The following TESC variants were observed in gnomAD, a reference collection of about 807,000 sequenced individuals.
TESC encodes the protein tescalcin, also known as calcineurin B homologous protein 3.
In TESC, 19 loss-of-function variants were observed where a neutral mutation model predicts 31.0. The ratio of observed to expected loss-of-function variants is 0.61; its 90% CI spans 0.43 to 0.90. TESC has a LOEUF of 0.90. TESC is among the 40% of genes least tolerant of loss of function. The pLI, the probability that TESC is intolerant of heterozygous loss-of-function variation, is 0.00. For synonymous variants in TESC, 109 were observed against 114.8 expected, an observed-to-expected ratio of 0.95 and a Z score of 0.32; for missense variants, 248 against 303.8, an observed-to-expected ratio of 0.82 and a Z score of 1.36.
At chr12:117,075,883 A>ATGTG (rs1565971476) in intron 1 of TESC, among the ~76,000 whole-genome samples, 9 of 25,888 alleles carry the variant, frequency 3.5e-4, no homozygotes, top group South Asian at 1.9e-3. Context: ...GTGTATATAT[A>ATGTG]TATATATATA....
intron 1 of TESC, among the ~76,000 whole-genome samples, chr12:117,082,475 C>CG (rs1168638528): frequency 1.3e-4 from 20 of 149,828 alleles, no homozygotes; most frequent in Non-Finnish European, 2.5e-4. Context: ...ACACTCCAGC[C>CG]GGGGGGACAA....
chr12:117,062,448 G>A (rs1022120431), intron 2 of TESC, among the ~76,000 whole-genome samples: 6 of 151,970 alleles, frequency 3.9e-5, no homozygotes, highest in African/African-American at 9.7e-5. Context: ...TCTCGAACTC[G>A]TGACCTCAGG....
chr12:117,043,094 T>A (rs1449518568), intron 6 of TESC, among the ~76,000 whole-genome samples: 1 of 151,624 alleles, frequency 6.6e-6, no homozygotes, highest in Non-Finnish European at 1.5e-5. Flanking sequence ...TGTCTGCAGG[T>A]CTGTGCACGC....
At chr12:117,046,919 C>A in intron 4 of TESC, 81 bp from the exon 5 acceptor site, 1 of 1,424,064 alleles carries the variant, frequency 7.0e-7, no homozygotes, top group East Asian at 2.5e-5. Context: ...CTAAACTAAG[C>A]AAAAGACACC....
chr12:117,056,991 G>A (rs1482740749), intron 2 of TESC, 105 bp from the exon 3 acceptor site: 4 of 1,051,676 alleles, frequency 3.8e-6, no homozygotes, highest in African/African-American at 1.6e-5. Flanking sequence ...TCCCTAACAG[G>A]CCCCCACAAG....
chr12:117,056,759 A>C (rs1490957727), intron 3 of TESC, 47 bp downstream of exon 3: 1 of 1,586,560 alleles, frequency 6.3e-7, no homozygotes, highest in Non-Finnish European at 8.7e-7. Flanking sequence ...GATGTTACAC[A>C]AGACAAGGGT....
intron 1 of TESC, among the ~76,000 whole-genome samples, chr12:117,084,549 T>A (rs1370107819): frequency 6.6e-6 from 1 of 152,198 alleles, no homozygotes; most frequent in African/African-American, 2.4e-5. Context: ...GCCTCCCCCA[T>A]CAGGCTGTGG....
chr12:117,039,966 G>A (rs1416435376), intron 7 of TESC, among the ~76,000 whole-genome samples: 1 of 152,250 alleles, frequency 6.6e-6, no homozygotes, highest in Non-Finnish European at 1.5e-5. Context: ...GGCCACAGAT[G>A]GTAGGATGGG....
rs537077034 is a variant in TESC, at chr12:117,091,474, A to C, written c.58+7751T>G. On this transcript the variant is annotated intron_variant, in intron 1 of 7. Transcript: ENST00000335209. ...ACATTCTGGAGACCATTAACTCACA[A>C]AAAAATATCCTGCCAGGATGGCAGT... Among the ~76,000 whole-genome samples the C allele has an allele frequency of 7.2e-5, 11 of 152,366 alleles. No homozygotes were observed. In the South Asian group the frequency reaches 2.3e-3, roughly 32 times the overall value.
chr12:117,045,427 A>C (rs572029218), intron 6 of TESC, among the ~76,000 whole-genome samples: 1 of 152,400 alleles, frequency 6.6e-6, no homozygotes, highest in South Asian at 2.1e-4. Flanking sequence ...GGAGAGTGTA[A>C]TTAAATCAAA....
chr12:117,042,121 G>A (rs1260986891), intron 6 of TESC, 127 bp from the exon 7 acceptor site: 3 of 935,232 alleles, frequency 3.2e-6, no homozygotes, highest in African/African-American at 3.3e-5. Flanking sequence ...CTGTTTGGGA[G>A]GAATCACAAG....
At chr12:117,040,937 C>T (rs944268970) in intron 7 of TESC, among the ~76,000 whole-genome samples, 1 of 146,054 alleles carries the variant, frequency 6.8e-6, no homozygotes, top group African/African-American at 2.6e-5. Context: ...CTCTCTTGGT[C>T]TCTTGCTCCC....
At chr12:117,081,200 A>C (rs1183421691) in intron 1 of TESC, among the ~76,000 whole-genome samples, 1 of 152,222 alleles carries the variant, frequency 6.6e-6, no homozygotes, top group Non-Finnish European at 1.5e-5. Context: ...TGGTAAGCCC[A>C]GACTGAGATG....
chr12:117,087,044 G>A (rs1955227566), intron 1 of TESC, among the ~76,000 whole-genome samples: 1 of 152,198 alleles, frequency 6.6e-6, no homozygotes, highest in Non-Finnish European at 1.5e-5. Context: ...CCACTCCACA[G>A]GGGACTACCC....
At chr12:117,090,196 T>C (rs1447569338) in intron 1 of TESC, among the ~76,000 whole-genome samples, 2 of 152,156 alleles carry the variant, frequency 1.3e-5, no homozygotes, top group African/African-American at 4.8e-5. Flanking sequence ...GAAAACTATA[T>C]CCATAAGGAA....
At chr12:117,075,594 T>C (rs1479505396) in intron 1 of TESC, among the ~76,000 whole-genome samples, 1 of 151,828 alleles carries the variant, frequency 6.6e-6, no homozygotes, top group East Asian at 1.9e-4. Flanking sequence ...TAATAGCTCC[T>C]GAGACAGGGC....
At chr12:117,078,788 CTG>C (rs1407061473) in intron 1 of TESC, among the ~76,000 whole-genome samples, 1 of 152,128 alleles carries the variant, frequency 6.6e-6, no homozygotes, top group East Asian at 1.9e-4. Context: ...GGATTAAAGA[CTG>C]TTTTGCTTTT....
At chr12:117,056,217 CT>C (rs1213562341) in intron 3 of TESC, among the ~76,000 whole-genome samples, 2 of 152,044 alleles carry the variant, frequency 1.3e-5, no homozygotes, top group African/African-American at 2.4e-5. Context: ...CCACTGTGCC[CT>C]GCTAATTCTT....
In TESC at chr12:117,041,999, G is replaced by A. The variant is rs754619776; in HGVS notation, c.520-5C>T. On this transcript the variant is annotated splice_region_variant and splice_polypyrimidine_tract_variant and intron_variant, in intron 6 of 7. Transcript: ENST00000335209. ...CTCGTACACCTGATCAGGCTCCTGGGGACGGAAGCACAGGGTGGACAGTGA... is the reference window on the plus strand; with the variant it reads ...CTCGTACACCTGATCAGGCTCCTGGAGACGGAAGCACAGGGTGGACAGTGA... The A allele has an allele frequency of 5.7e-6, 9 of 1,592,690 alleles. No homozygotes were observed. Among genetic ancestry groups the A allele is most frequent in the Non-Finnish European group, 6.8e-6 (8 of 1,169,280 alleles).
Sources: gnomAD v4.1 joint callset for allele counts (sites outside exome capture counted in the v4.1 genomes callset) on GRCh38, gnomAD v4.1.1 for gene constraint, MANE v1.5 for transcripts, NCBI Gene and HGNC (gene_info 2026-07-23, HGNC 2026-07-21) for gene names.